TEX10: variants seen among roughly 807,000 people sequenced by gnomAD.
TEX10 encodes the protein testis expressed 10.
TEX10 carries 24 observed loss-of-function variants against 104.4 expected under a neutral mutation model. The ratio of observed to expected loss-of-function variants is 0.23; its 90% CI spans 0.17 to 0.32. The LOEUF (loss-of-function observed/expected upper bound fraction) is 0.32, where lower values mean the gene tolerates loss of function less well. Ranked by LOEUF, TEX10 falls within the 10% of genes least tolerant of loss-of-function variation. The probability of loss-of-function intolerance (pLI) is 1.00; values close to 1 mark genes in which losing one functional copy is unlikely to be tolerated. For missense variants in TEX10, 921 were observed against 1,083.9 expected, an observed-to-expected ratio of 0.85 and a Z score of 2.11; for synonymous variants, 396 against 393.4, an observed-to-expected ratio of 1.01 and a Z score of -0.08.
At chr9:100,317,320 T>C (rs896379961) in intron 11 of TEX10, among the ~76,000 whole-genome samples, 2 of 152,032 alleles carry the variant, frequency 1.3e-5, no homozygotes, top group South Asian at 4.1e-4. Context: ...GGGAACAGAA[T>C]AGAGAACCAA....
chr9:100,327,996 C>T (rs373587255), intron 7 of TEX10, 34 bp from the exon 8 acceptor site: 22 of 1,446,912 alleles, frequency 1.5e-5, no homozygotes, highest in African/African-American at 4.3e-5. Flanking sequence ...AAATGTAATA[C>T]TCAAAGACAA....
intron 11 of TEX10, among the ~76,000 whole-genome samples, chr9:100,313,469 C>T (rs915533140): frequency 6.1e-5 from 9 of 148,698 alleles, no homozygotes; most frequent in Admixed American, 3.4e-4. Flanking sequence ...GAGCAGAGAT[C>T]GTGCCATTGT....
intron 12 of TEX10, among the ~76,000 whole-genome samples, chr9:100,309,179 T>A (rs138102251): frequency 6.6e-6 from 1 of 152,350 alleles, no homozygotes; most frequent in East Asian, 1.9e-4. Flanking sequence ...TGAATAAACA[T>A]ACCTCTACTG....
intron 14 of TEX10, among the ~76,000 whole-genome samples, chr9:100,303,386 T>C (rs1465701222): frequency 2.0e-5 from 3 of 151,894 alleles, no homozygotes; most frequent in African/African-American, 4.8e-5. Flanking sequence ...GTCACCTTCA[T>C]TGAGTTTGAT....
intron 13 of TEX10, 149 bp from the exon 14 acceptor site, chr9:100,303,991 C>CT: frequency 1.4e-6 from 1 of 701,926 alleles, no homozygotes; most frequent in Non-Finnish European, 2.5e-6. Context: ...CGCAATCTCA[C>CT]TTACAATAGC....
rs112852093 is a variant in TEX10, at chr9:100,317,633, T to C, written c.2202+2632A>G. On this transcript the variant is annotated intron_variant, in intron 11 of 14. Coordinates refer to ENST00000374902, the MANE Select transcript of TEX10 (RefSeq NM_017746.4). ...AGCAACAAAAACAACAATAGACAAA[T>C]AGGACTTCATTACACTAAAAAATTT... Among the ~76,000 whole-genome samples, 49 of 151,996 alleles carry C rather than the reference T, an allele frequency of 3.2e-4. 1 individual carries two copies. Among genetic ancestry groups the C allele is most frequent in the South Asian group, 1.5e-3 (7 of 4,822 alleles).
Position 100,302,139 on chromosome 9 carries a change from A to AAAT in TEX10, c.*49_*51dup, listed in dbSNP as rs891860282. ...ATCTATTACATCAGTCTTTTTCTTC[A>AAAT]AATAAGATAGATGTGAATAAACAAC... On this transcript the variant is annotated 3_prime_UTR_variant, in exon 15 of 15. Coordinates refer to ENST00000374902, the MANE Select transcript of TEX10 (RefSeq NM_017746.4). 23 of 1,116,186 alleles carry AAAT rather than the reference A, an allele frequency of 2.1e-5. No homozygotes were observed. The Admixed American group carries it at 5.3e-4, about 26-fold the overall frequency. The allele number at this position is 1,116,186 out of a possible 1,614,324, so 69.1% of individuals were successfully genotyped here. A position where few individuals can be genotyped will look rare whatever the true frequency, so the allele number is the denominator to read the frequency against.
intron 5 of TEX10, among the ~76,000 whole-genome samples, chr9:100,331,627 CAAA>C (rs1834865575): frequency 6.6e-6 from 1 of 152,174 alleles, no homozygotes; most frequent in Non-Finnish European, 1.5e-5. Context: ...CCCGGAACGA[CAAA>C]TGAGCCTGGA....
rs571066775 is a variant in TEX10 at position 100,318,968 on chromosome 9, G to C, written c.2202+1297C>G. 2.0e-5 allele frequency among the ~76,000 whole-genome samples: 3 copies of C among 152,154 alleles called. No individual in the cohort carries two copies. In the East Asian group the frequency reaches 5.8e-4, roughly 29 times the overall value. On this transcript the variant is annotated intron_variant, in intron 11 of 14. Coordinates refer to ENST00000374902, the MANE Select transcript of TEX10 (RefSeq NM_017746.4). ...GCACTTTGGGAAGCCAAGATGGGAG[G>C]ATCACCTGAGGTTAGGAATTCAAGA... is the stretch of plus-strand genomic sequence containing the variant.
At position 100,352,862 on chromosome 9, in the gene TEX10, C is replaced by T; in HGVS notation, c.-100G>A. ...GGGCAACAGCGTGCGCCGCCGACCT[C>T]AGGCTCTAGCTCCCGGAGCGTGTTT... On this transcript the variant is annotated 5_prime_UTR_variant, in exon 1 of 15. Coordinates refer to ENST00000374902, the MANE Select transcript of TEX10 (RefSeq NM_017746.4). The T allele has an allele frequency of 9.9e-7, 1 of 1,005,204 alleles. No individual in the cohort carries two copies. Among genetic ancestry groups the T allele is most frequent in the Non-Finnish European group, 1.2e-6 (1 of 844,028 alleles). 62.3% of individuals were successfully genotyped at this position (1,005,204 alleles called of 1,614,324 possible).
chr9:100,321,760 G>A lies in TEX10; in HGVS notation c.1991C>T (p.Ser664Phe). 1 of 1,611,560 alleles carries A rather than the reference G, an allele frequency of 6.2e-7. No individual in the cohort carries two copies. The highest frequency in any genetic ancestry group is 8.5e-7 in the Non-Finnish European group (1 of 1,179,270). Residue 664 changes from serine (S) to phenylalanine (F), a missense_variant, in exon 10 of 15, where the codon TCT becomes TTT. Physicochemically the swap from Ser to Phe is radical, Grantham distance 155. Around this residue, in one of 3 missense-constraint regions of TEX10, gnomAD observed 753 missense variants for 868.4 expected, o/e 0.87. Coordinates refer to ENST00000374902, the MANE Select transcript of TEX10 (RefSeq NM_017746.4). ...IGILHMRSSFSGWKYSAKDWL... is the reference protein window; with the variant it reads ...IGILHMRSSFFGWKYSAKDWL... ...GTCTTTAGCTGAATACTTCCACCCAGAAAATGATGATCTATAAAAAACAAA... is the reference window on the plus strand; with the variant it reads ...GTCTTTAGCTGAATACTTCCACCCAAAAAATGATGATCTATAAAAAACAAA...
intron 13 of TEX10, 36 bp downstream of exon 13, chr9:100,308,464 T>C: frequency 1.2e-5 from 19 of 1,536,286 alleles, no homozygotes; most frequent in Non-Finnish European, 1.7e-5. Context: ...GGAGGAACAG[T>C]AGGAAAATTA....
In TEX10 at chr9:100,330,993, C is replaced by T. The variant is rs143850198; in HGVS notation, c.1251-824G>A. On this transcript the variant is annotated intron_variant, in intron 5 of 14. Transcript: ENST00000374902. ...AATTAAAGCCAGGCATGGGAGCTCA[C>T]GCCCGTAATCCCAGCACTTTGAGAA... Among the ~76,000 whole-genome samples, 596 of 152,108 alleles carry T rather than the reference C, an allele frequency of 3.9e-3. 1 individual carries two copies. Among genetic ancestry groups the T allele is most frequent in the Non-Finnish European group, 5.6e-3 (378 of 68,008 alleles).
Position 100,349,336 on chromosome 9 carries a change from C to G in TEX10, c.28G>C (p.Asp10His), listed in dbSNP as rs749988665. The G allele has an allele frequency of 1.0e-5, 16 of 1,589,314 alleles. No homozygotes were observed. The highest frequency in any genetic ancestry group is 6.8e-6 in the Non-Finnish European group (8 of 1,172,676). Residue 10 changes from aspartate to histidine, a missense_variant, in exon 2 of 15, where the codon GAT becomes CAT. By Grantham distance (81) the Asp-to-His change is moderately conservative. Transcript: ENST00000374902. Reference protein sequence around the residue: MTKKRKRQHDFQKVKLKVGK... With the variant: MTKKRKRQHHFQKVKLKVGK... ...ACTTTCAATTTTACTTTTTGAAAAT[C>G]ATGTTGGCGTTTTCTTTTTTTAGTC...
chr9:100,338,065 C>A (rs1338271883), intron 5 of TEX10, among the ~76,000 whole-genome samples: 1 of 152,132 alleles, frequency 6.6e-6, no homozygotes, highest in Non-Finnish European at 1.5e-5. Flanking sequence ...GGGGTTGGGA[C>A]TCTGCGACCC....
At chr9:100,306,539 A>G (rs889678925) in intron 13 of TEX10, 6 of 152,248 alleles carry the variant, frequency 3.9e-5, no homozygotes, top group Non-Finnish European at 8.8e-5. Context: ...CACAGCAGAC[A>G]GTACTAAACA....
chr9:100,347,167 C>T lies in TEX10; in HGVS notation c.420G>A (p.Leu140=). Residue 140 remains leucine (L), a synonymous_variant, in exon 3 of 15, where the codon TTG becomes TTA. Coordinates refer to ENST00000374902, the MANE Select transcript of TEX10 (RefSeq NM_017746.4). The part of the protein sequence containing the change: ...RAEQISPFFP[L]VSAHLSSAMT... ...TGGCACTAGAGAGATGGGCACTTAC[C>T]AAAGGAAAAAATGGAGAAATTTGTT... 1 of 1,613,674 alleles carries T rather than the reference C, an allele frequency of 6.2e-7. No homozygotes were observed. The highest frequency in any genetic ancestry group is 8.5e-7 in the Non-Finnish European group (1 of 1,179,858).
chr9:100,313,302 G>A (rs1347795229), intron 11 of TEX10, among the ~76,000 whole-genome samples: 4 of 152,096 alleles, frequency 2.6e-5, no homozygotes, highest in Admixed American at 6.5e-5. Context: ...ATCACCTGAG[G>A]TCAGAAGTTC....
In TEX10 at chr9:100,308,652, C is replaced by A; in HGVS notation, c.2313G>T (p.Thr771=). ...LVGLTVIPDS[T]AGCVFGVICK... Reference sequence around the variant, plus strand: ...AGATAACACCAAAAACACAGCCAGCCGTGCTGTCAGGAATTACAGTCAACC... The same window carrying A: ...AGATAACACCAAAAACACAGCCAGCAGTGCTGTCAGGAATTACAGTCAACC... Residue 771 remains threonine (T), a synonymous_variant, in exon 13 of 15, where the codon ACG becomes ACT. Transcript: ENST00000374902. 6.2e-7 allele frequency: 1 copy of A among 1,607,410 alleles called. No individual in the cohort carries two copies. Among genetic ancestry groups the A allele is most frequent in the South Asian group, 1.1e-5 (1 of 89,456 alleles).
Sources: allele counts gnomAD v4.1 joint callset (sites outside exome capture counted in the v4.1 genomes callset), GRCh38; gene constraint gnomAD v4.1.1; regional missense constraint gnomAD v4.1.1; transcripts MANE v1.5; gene names NCBI Gene and HGNC (gene_info 2026-07-23, HGNC 2026-07-21).